The following COL28A1 variants were observed in gnomAD, a reference collection of about 807,000 sequenced individuals.
The protein encoded by COL28A1 is collagen type XXVIII alpha 1 chain, also known as collagen alpha-1(XXVIII) chain.
COL28A1 carries 161 observed loss-of-function variants against 150.2 expected under a neutral mutation model. The observed-to-expected ratio is 1.07, with a 90% confidence interval of 0.94 to 1.22. The LOEUF is 1.22. Ranked by LOEUF, COL28A1 falls within the 50% of genes most tolerant of loss-of-function variation. The probability of loss-of-function intolerance (pLI) is 0.00; values close to 1 mark genes in which losing one functional copy is unlikely to be tolerated. For missense variants in COL28A1, 1,617 were observed against 1,388.3 expected (o/e 1.16, Z -2.62); for synonymous variants, 552 against 469.7 (o/e 1.18, Z -2.26).
intron 2 of COL28A1, 63 bp from the exon 3 acceptor site, chr7:7,531,967 G>A (rs902758090): frequency 6.0e-5 from 59 of 990,734 alleles, no homozygotes; most frequent in South Asian, 1.5e-4. Context: ...ATTTGCATAC[G>A]GAAAGCCCTG....
Position 7,437,473 on chromosome 7 carries a change from G to A in COL28A1, c.1723-11C>T. On this transcript the variant is annotated splice_polypyrimidine_tract_variant and intron_variant, in intron 21 of 34. Coordinates refer to ENST00000399429, the MANE Select transcript of COL28A1 (RefSeq NM_001037763.3). ...AATGCCCGGTTCACCCTTAAAAAGA[G>A]CAAAATGCTCACTACATTTCAAGCA... 3 of 1,611,454 alleles carry A rather than the reference G, an allele frequency of 1.9e-6. No homozygotes were observed. The highest frequency in any genetic ancestry group is 2.5e-6 in the Non-Finnish European group (3 of 1,179,212).
chr7:7,350,184 G>A, the COL28A1 span, among the ~76,000 whole-genome samples: 2 of 152,128 alleles, frequency 1.3e-5, no homozygotes, highest in Non-Finnish European at 2.9e-5. Context: ...TGCAATGACA[G>A]TCTCAGGGTG....
At chr7:7,535,632 C>G (rs888982645) in intron 1 of COL28A1, 118 bp downstream of exon 1, 3 of 152,030 alleles carry the variant, frequency 2.0e-5, no homozygotes, top group African/African-American at 7.3e-5. Context: ...GCAGAGAATA[C>G]AAACTATTGA....
chr7:7,358,799 C>T lies in COL28A1; in HGVS notation c.3212G>A (p.Arg1071Lys). 3 of 1,613,382 alleles carry T rather than the reference C, an allele frequency of 1.9e-6. No individual in the cohort carries two copies. Among genetic ancestry groups the T allele is most frequent in the Non-Finnish European group, 2.5e-6 (3 of 1,179,648 alleles). ...STPVDGAEDP[R>K]CLEALKPGNC... is the part of the protein sequence containing the mutation. ...TCCAGGCTTCAAGGCTTCCAAACAT[C>T]TAGGATCTAGAGTGAGAAAAGGAAA... Residue 1071 changes from arginine (R) to lysine (K), a missense_variant, in exon 35 of 35, where the codon AGA (arginine) becomes AAA (lysine). By Grantham distance (26) the Arg-to-Lys change is conservative. Coordinates refer to ENST00000399429, the MANE Select transcript of COL28A1 (RefSeq NM_001037763.3).
intron 15 of COL28A1, among the ~76,000 whole-genome samples, chr7:7,457,660 A>G (rs749300071): frequency 2.0e-5 from 3 of 152,202 alleles, no homozygotes; most frequent in Non-Finnish European, 4.4e-5. Flanking sequence ...CCCAGGACTG[A>G]GCCCTTTAAG....
At chr7:7,511,881 A>T (rs923143996) in intron 8 of COL28A1, 1 of 456,172 alleles carries the variant, frequency 2.2e-6, no homozygotes, top group South Asian at 1.6e-5. Context: ...TTTAGAGTTT[A>T]TCAGTGATAG....
chr7:7,351,080 T>A, the COL28A1 span, among the ~76,000 whole-genome samples: 1 of 152,190 alleles, frequency 6.6e-6, no homozygotes, highest in Non-Finnish European at 1.5e-5. Flanking sequence ...AGGGATATTT[T>A]GTCTTTTATT....
intron 16 of COL28A1, among the ~76,000 whole-genome samples, chr7:7,454,077 A>G (rs1243758147): frequency 1.3e-5 from 2 of 152,222 alleles, no homozygotes; most frequent in Non-Finnish European, 2.9e-5. Context: ...ATACATGGGT[A>G]TAAAAAAGGA....
At chr7:7,542,292 C>G in the COL28A1 span, among the ~76,000 whole-genome samples, 1 of 152,170 alleles carries the variant, frequency 6.6e-6, no homozygotes, top group Non-Finnish European at 1.5e-5. Context: ...GATGGCACCA[C>G]TGCACTCCGG....
At chr7:7,472,689 G>A (rs1583453663) in intron 15 of COL28A1, among the ~76,000 whole-genome samples, 1 of 152,082 alleles carries the variant, frequency 6.6e-6, no homozygotes, top group Non-Finnish European at 1.5e-5. Context: ...AAATTCATAT[G>A]CAACCAAAAA....
intron 25 of COL28A1, among the ~76,000 whole-genome samples, chr7:7,426,848 T>C (rs947686286): frequency 6.6e-6 from 1 of 152,220 alleles, no homozygotes; most frequent in Non-Finnish European, 1.5e-5. Flanking sequence ...GTCTTTCTTA[T>C]TTAGCTTGGT....
the COL28A1 span, among the ~76,000 whole-genome samples, chr7:7,349,635 C>G: frequency 1.3e-5 from 2 of 152,114 alleles, no homozygotes; most frequent in Admixed American, 6.6e-5. Context: ...GTGCTATGGC[C>G]TGGAAACTCT....
At chr7:7,412,587 C>A (rs1403756786) in intron 27 of COL28A1, among the ~76,000 whole-genome samples, 1 of 152,082 alleles carries the variant, frequency 6.6e-6, no homozygotes, top group East Asian at 1.9e-4. Flanking sequence ...ATATATATAA[C>A]CATGTATTAC....
rs142976438 is a variant in COL28A1 at position 7,391,463 on chromosome 7, G to T, written c.2137-9851C>A. ...AAGAATGCATATTCTGCTGATTTGGGGTGGAAGGTTCTGTAGATGTCTATT... is the reference window on the plus strand; with the variant it reads ...AAGAATGCATATTCTGCTGATTTGGTGTGGAAGGTTCTGTAGATGTCTATT... On this transcript the variant is annotated intron_variant, in intron 27 of 34. Transcript: ENST00000399429. Among the ~76,000 whole-genome samples, 6 of 152,258 alleles carry T rather than the reference G, an allele frequency of 3.9e-5. No homozygotes were observed. In the East Asian group the frequency reaches 1.2e-3, roughly 29 times the overall value.
chr7:7,483,763 AAAG>A (rs367731726), intron 13 of COL28A1, among the ~76,000 whole-genome samples: 11 of 152,312 alleles, frequency 7.2e-5, no homozygotes, highest in African/African-American at 2.6e-4. Flanking sequence ...TAGAGACAAA[AAAG>A]AAGTACTTTA....
intron 27 of COL28A1, among the ~76,000 whole-genome samples, chr7:7,417,355 T>A (rs910023682): frequency 2.6e-5 from 4 of 151,448 alleles, no homozygotes; most frequent in Non-Finnish European, 5.9e-5. Context: ...GCACTCACAC[T>A]CTACTCCCAG....
rs188239414 is a variant in COL28A1 at position 7,429,460 on chromosome 7, C to G, written c.1998+3013G>C. Among the ~76,000 whole-genome samples the G allele has an allele frequency of 1.3e-3, 166 of 130,592 alleles. 1 individual carries two copies. The highest frequency in any genetic ancestry group is 7.8e-3 in the South Asian group (32 of 4,120). The allele number at this position is 130,592 out of a possible 152,430, so 85.7% of individuals were successfully genotyped here. A position where few individuals can be genotyped will look rare whatever the true frequency, so the allele number is the denominator to read the frequency against. ...CACACACTCTCTTTCTCTCTGTGCT[C>G]TGTGTGTGTGTGTGGGGGGGGGGAT... On this transcript the variant is annotated intron_variant, in intron 25 of 34. Coordinates refer to ENST00000399429, the MANE Select transcript of COL28A1 (RefSeq NM_001037763.3).
chr7:7,351,533 C>T (rs2348041), downstream of COL28A1, among the ~76,000 whole-genome samples: 132,297 of 151,820 alleles, frequency 0.87, 57,867 homozygotes, highest in East Asian at 1. Flanking sequence ...TGGAAGACTC[C>T]AAGATTTCTT....
At chr7:7,443,256 A>T (rs1214836143) in intron 20 of COL28A1, among the ~76,000 whole-genome samples, 1 of 152,220 alleles carries the variant, frequency 6.6e-6, no homozygotes, top group Non-Finnish European at 1.5e-5. Flanking sequence ...GATTTTATAA[A>T]GAAAATTTAT....
Sources: allele counts gnomAD v4.1 joint callset (sites outside exome capture counted in the v4.1 genomes callset), GRCh38; gene constraint gnomAD v4.1.1; transcripts MANE v1.5; gene names NCBI Gene and HGNC (gene_info 2026-07-23, HGNC 2026-07-21).